CFAP20DC: variants seen among roughly 807,000 people sequenced by gnomAD.
CFAP20DC encodes the protein protein CFAP20DC.
A neutral mutation model predicts 101.7 loss-of-function variants in CFAP20DC; 84 were observed. The ratio of observed to expected loss-of-function variants is 0.83; its 90% CI spans 0.69 to 0.99. CFAP20DC has a LOEUF of 0.99. Ranked by LOEUF, CFAP20DC falls within the 50% of genes least tolerant of loss-of-function variation. The pLI is 0.00. For missense variants in CFAP20DC, 1,007 were observed against 970.3 expected (o/e 1.04, Z -0.50); for synonymous variants, 359 against 351.2 (o/e 1.02, Z -0.25).
intron 15 of CFAP20DC, among the ~76,000 whole-genome samples, chr3:58,761,930 A>G (rs2069651214): frequency 2.0e-5 from 3 of 151,940 alleles, no homozygotes; most frequent in Admixed American, 2.0e-4. Context: ...GTTCTTTTAC[A>G]TTTGCTGAGG....
intron 4 of CFAP20DC, among the ~76,000 whole-genome samples, chr3:58,978,321 G>C (rs1394088797): frequency 6.6e-6 from 1 of 152,056 alleles, no homozygotes; most frequent in African/African-American, 2.4e-5. Context: ...GCTTTTCCTT[G>C]TCTATATTTT....
At chr3:58,720,700 T>G (rs1163698118) in intron 3 of CFAP20DC, among the ~76,000 whole-genome samples, 1 of 152,220 alleles carries the variant, frequency 6.6e-6, no homozygotes, top group Non-Finnish European at 1.5e-5. Flanking sequence ...ACTATAAATG[T>G]GCCTTTCCTC....
intron 14 of CFAP20DC, among the ~76,000 whole-genome samples, chr3:58,830,925 G>A (rs373288932): frequency 2.6e-4 from 40 of 152,278 alleles, no homozygotes; most frequent in African/African-American, 9.1e-4. Flanking sequence ...TTCGACTGTT[G>A]TTTACGCTCT....
rs950823355 is a variant in CFAP20DC at position 59,028,753 on chromosome 3, A to G, written c.278+10804T>C. On this transcript the variant is annotated intron_variant, in intron 4 of 16. Coordinates refer to ENST00000482387, the MANE Select transcript of CFAP20DC (RefSeq NM_001394063.1). Reference sequence around the variant, plus strand: ...ATAATTATGCCTACTATCCAGGCTAATTCTGAGGATTAATTGAGCTATAAC... The same window carrying G: ...ATAATTATGCCTACTATCCAGGCTAGTTCTGAGGATTAATTGAGCTATAAC... Among the ~76,000 whole-genome samples the G allele has an allele frequency of 1.2e-4, 18 of 152,338 alleles. 1 individual carries two copies. The highest frequency in any genetic ancestry group is 1.0e-3 in the Admixed American group (16 of 15,304).
chr3:58,760,800 T>G (rs1014220866), intron 15 of CFAP20DC, among the ~76,000 whole-genome samples: 1 of 152,108 alleles, frequency 6.6e-6, no homozygotes, highest in South Asian at 2.1e-4. Context: ...AATCATGTGG[T>G]TTTTGTCATT....
chr3:58,752,178 GTTAA>G (rs979229898), intron 16 of CFAP20DC, among the ~76,000 whole-genome samples: 15 of 152,182 alleles, frequency 9.9e-5, no homozygotes, highest in African/African-American at 2.6e-4. Flanking sequence ...TTTTGATGGT[GTTAA>G]TTAACTACAA....
chr3:58,924,817 T>C (rs772205012), intron 5 of CFAP20DC, among the ~76,000 whole-genome samples: 7 of 152,056 alleles, frequency 4.6e-5, no homozygotes, highest in African/African-American at 7.2e-5. Flanking sequence ...TTGCATTTCT[T>C]TGACGATTAT....
intron 4 of CFAP20DC, among the ~76,000 whole-genome samples, chr3:58,997,334 G>GT (rs1420274175): frequency 6.6e-6 from 1 of 152,164 alleles, no homozygotes; most frequent in Non-Finnish European, 1.5e-5. Context: ...GTTAAACATA[G>GT]TAAGTAATGA....
intron 15 of CFAP20DC, among the ~76,000 whole-genome samples, chr3:58,755,580 T>C (rs922888058): frequency 6.6e-5 from 10 of 152,152 alleles, no homozygotes; most frequent in African/African-American, 2.4e-4. Context: ...GTTGTGTGAA[T>C]GTTACGAAAT....
chr3:58,900,615 T>C (rs530002507), intron 6 of CFAP20DC, among the ~76,000 whole-genome samples: 141 of 152,306 alleles, frequency 9.3e-4, no homozygotes, highest in African/African-American at 3.2e-3. Context: ...TGCTAACAAA[T>C]ATGAAAGCAT....
intron 4 of CFAP20DC, among the ~76,000 whole-genome samples, chr3:58,977,878 A>G (rs1233486668): frequency 6.6e-6 from 1 of 152,152 alleles, no homozygotes; most frequent in Non-Finnish European, 1.5e-5. Flanking sequence ...CAAGGCTAGA[A>G]CTCTGCATAA....
At position 58,717,478 on chromosome 3, in the gene CFAP20DC, A is replaced by G. The variant is rs1436631621; in HGVS notation, c.*110T>C. ...AAAGATGCTTATTCTTCTCATGTGA[A>G]ATGTGTTCTGGAAACTGTAGTTCAG... On this transcript the variant is annotated 3_prime_UTR_variant, in exon 4 of 4. Transcript: ENST00000486145. The surrounding 1 kb of genome is among the most constrained non-coding windows in gnomAD (Gnocchi z 4.1). 9.6e-6 allele frequency: 3 copies of G among 312,056 alleles called. No individual in the cohort carries two copies. Among genetic ancestry groups the G allele is most frequent in the Non-Finnish European group, 1.9e-5 (3 of 154,856 alleles). The allele number at this position is 312,056 out of a possible 1,614,324, so 19.3% of individuals were successfully genotyped here.
At chr3:58,949,248 T>C (rs1559881182) in intron 4 of CFAP20DC, among the ~76,000 whole-genome samples, 4 of 152,230 alleles carry the variant, frequency 2.6e-5, no homozygotes, top group Non-Finnish European at 5.9e-5. Context: ...CCTGGATTCA[T>C]CGATTTTTTG....
rs978579689 is a variant in CFAP20DC at position 58,912,319 on chromosome 3, T to C, written c.550+1389A>G. On this transcript the variant is annotated intron_variant, in intron 6 of 16. Coordinates refer to ENST00000482387, the MANE Select transcript of CFAP20DC (RefSeq NM_001394063.1). This position sits in a 1 kb window ranked among gnomAD's most constrained non-coding sequence, Gnocchi z 4.4. Reference sequence around the variant, plus strand: ...ATTTTGAGGCTTCTTATTAGCTGGGTGCCATTTAAAAAAATGAAATCTTTC... The same window carrying C: ...ATTTTGAGGCTTCTTATTAGCTGGGCGCCATTTAAAAAAATGAAATCTTTC... 2.0e-5 allele frequency among the ~76,000 whole-genome samples: 3 copies of C among 152,084 alleles called. No homozygotes were observed. Among genetic ancestry groups the C allele is most frequent in the African/African-American group, 7.3e-5 (3 of 41,352 alleles).
chr3:58,772,727 A>G (rs2070959873), intron 15 of CFAP20DC, among the ~76,000 whole-genome samples: 1 of 152,226 alleles, frequency 6.6e-6, no homozygotes, highest in South Asian at 2.1e-4. Context: ...TGGTACACCC[A>G]AACAATGAAA....
intron 14 of CFAP20DC, among the ~76,000 whole-genome samples, chr3:58,822,796 A>T (rs1181623282): frequency 6.6e-6 from 1 of 152,150 alleles, no homozygotes; most frequent in Non-Finnish European, 1.5e-5. Flanking sequence ...TGGCATTTAC[A>T]GTAGCAGGAA....
At chr3:58,824,296 T>C (rs1313179271) in intron 14 of CFAP20DC, 9 of 152,176 alleles carry the variant, frequency 5.9e-5, no homozygotes, top group Non-Finnish European at 7.3e-5. Context: ...CAATATATTA[T>C]ATTTTGAATA....
At chr3:59,028,401 A>C (rs958974706) in intron 4 of CFAP20DC, among the ~76,000 whole-genome samples, 2 of 152,238 alleles carry the variant, frequency 1.3e-5, no homozygotes, top group Non-Finnish European at 2.9e-5. Context: ...GAAATATCTC[A>C]GCATGAAAGA....
intron 3 of CFAP20DC, among the ~76,000 whole-genome samples, chr3:58,731,957 T>A (rs914014152): frequency 3.9e-5 from 6 of 152,216 alleles, no homozygotes; most frequent in Non-Finnish European, 8.8e-5. Context: ...TCAGGACAAT[T>A]CCTGAGCCTG....
Sources: allele counts gnomAD v4.1 joint callset (sites outside exome capture counted in the v4.1 genomes callset), GRCh38; gene constraint gnomAD v4.1.1; non-coding constraint Gnocchi (gnomAD v3.1); transcripts MANE v1.5; gene names NCBI Gene and HGNC (gene_info 2026-07-23, HGNC 2026-07-21).